LRBA: variants seen among roughly 807,000 people sequenced by gnomAD.
LRBA encodes lipopolysaccharide-responsive and beige-like anchor protein.
Under a neutral mutation model 330.0 loss-of-function variants are expected in LRBA, and 176 were observed. The observed-to-expected ratio is 0.53, with a 90% CI of 0.47 to 0.60. LRBA has a LOEUF of 0.60. Ranked by LOEUF, LRBA falls within the 20% of genes least tolerant of loss-of-function variation. The pLI, the probability that LRBA is intolerant of heterozygous loss-of-function variation, is 0.00. For missense variants in LRBA, 3,259 were observed against 3,444.8 expected (o/e 0.95, Z 1.35); for synonymous variants, 1,230 against 1,193.0 (o/e 1.03, Z -0.64).
At chr4:150,551,075 T>G (rs1000037461) in intron 40 of LRBA, among the ~76,000 whole-genome samples, 1 of 151,688 alleles carries the variant, frequency 6.6e-6, no homozygotes, top group African/African-American at 2.4e-5. Context: ...TGCTAGGGAG[T>G]GTTAATTATC....
intron 37 of LRBA, among the ~76,000 whole-genome samples, chr4:150,653,226 C>T (rs4376124): frequency 0.92 from 140,385 of 152,190 alleles, 64,973 homozygotes; most frequent in Admixed American, 0.96. Flanking sequence ...AGTTACAGTA[C>T]ATATAGAAAA....
chr4:150,682,195 C>A (rs1038010554), intron 37 of LRBA, among the ~76,000 whole-genome samples: 1 of 152,180 alleles, frequency 6.6e-6, no homozygotes, highest in Non-Finnish European at 1.5e-5. Context: ...CTAATTCATT[C>A]AGTATCTGAT....
chr4:150,583,922 A>T lies in LRBA; in HGVS notation c.6330+4126T>A. On this transcript the variant is annotated intron_variant, in intron 40 of 56. Coordinates refer to ENST00000651943, the MANE Select transcript of LRBA (RefSeq NM_001364905.1). This position sits in a 1 kb window ranked among gnomAD's most constrained non-coding sequence, Gnocchi z 9.8. ...GACTGGGACGAGTCGTGCCTGGGCG[A>T]CCGGCTCAACGGCATCCTGCTGCAG... The T allele has an allele frequency of 3.7e-6, 6 of 1,612,690 alleles. No individual in the cohort carries two copies. Among genetic ancestry groups the T allele is most frequent in the Non-Finnish European group, 5.1e-6 (6 of 1,179,286 alleles).
chr4:150,916,257 A>T (rs962197029), intron 7 of LRBA, 144 bp downstream of exon 7: 13 of 742,424 alleles, frequency 1.8e-5, no homozygotes, highest in Non-Finnish European at 2.3e-5. Flanking sequence ...GAGGTCAATT[A>T]TTCAGTGATT....
chr4:150,628,542 G>T (rs1263398102), intron 37 of LRBA, among the ~76,000 whole-genome samples: 1 of 152,114 alleles, frequency 6.6e-6, no homozygotes, highest in East Asian at 1.9e-4. Context: ...TTATGTAAAT[G>T]ATACCATATG....
intron 50 of LRBA, among the ~76,000 whole-genome samples, chr4:150,320,503 G>C (rs1191842378): frequency 2.0e-5 from 3 of 151,818 alleles, no homozygotes; most frequent in African/African-American, 7.3e-5. Flanking sequence ...GCACATAATA[G>C]ACAATCAGAA....
At chr4:150,926,538 T>A (rs1304810500) in intron 4 of LRBA, among the ~76,000 whole-genome samples, 1 of 152,082 alleles carries the variant, frequency 6.6e-6, no homozygotes, top group Non-Finnish European at 1.5e-5. Context: ...AATCCAACAC[T>A]CAGCAACATA....
chr4:150,341,463 T>C (rs1735547437), intron 48 of LRBA, among the ~76,000 whole-genome samples: 1 of 152,122 alleles, frequency 6.6e-6, no homozygotes, highest in Non-Finnish European at 1.5e-5. Context: ...CCACCTTGCC[T>C]GGCCTATCAC....
At chr4:150,401,550 T>C (rs1047081140) in intron 47 of LRBA, among the ~76,000 whole-genome samples, 3 of 152,122 alleles carry the variant, frequency 2.0e-5, no homozygotes, top group African/African-American at 7.2e-5. Flanking sequence ...ACAGGAGAAG[T>C]AACTTCTAAG....
chr4:150,547,412 A>T (rs1230078094), intron 40 of LRBA, among the ~76,000 whole-genome samples: 1 of 152,210 alleles, frequency 6.6e-6, no homozygotes. Flanking sequence ...TTGAAGAGAC[A>T]GCCAAACTTC....
chr4:151,009,511 T>C (rs1367834486), intron 2 of LRBA, among the ~76,000 whole-genome samples: 2 of 147,402 alleles, frequency 1.4e-5, no homozygotes, highest in Non-Finnish European at 3.0e-5. Context: ...ATCGCGCCAC[T>C]GCACTCCAGC....
intron 34 of LRBA, among the ~76,000 whole-genome samples, chr4:150,771,615 G>T (rs1270843321): frequency 1.3e-5 from 2 of 152,122 alleles, no homozygotes; most frequent in African/African-American, 4.8e-5. Context: ...ATGATGGAAG[G>T]GGTCAAATGC....
chr4:150,315,611 G>T lies in LRBA; in HGVS notation c.7643C>A (p.Ala2548Asp). Residue 2548 changes from alanine (A) to aspartate (D), a missense_variant, in exon 51 of 57, where the codon GCT becomes GAT. Transcript: ENST00000651943. ...KWHNLPAHQG[A>D]VQDQPYQLPV... ...CAGCTGGTATGGCTGGTCTTGTACAGCACCTTGATGAGCTGGAATTCACAA... is the reference window on the plus strand; with the variant it reads ...CAGCTGGTATGGCTGGTCTTGTACATCACCTTGATGAGCTGGAATTCACAA... The T allele has an allele frequency of 6.3e-7, 1 of 1,583,134 alleles. No homozygotes were observed. The highest frequency in any genetic ancestry group is 8.5e-7 in the Non-Finnish European group (1 of 1,170,448).
At chr4:151,007,687 G>C (rs1325886278) in intron 2 of LRBA, among the ~76,000 whole-genome samples, 2 of 149,854 alleles carry the variant, frequency 1.3e-5, no homozygotes, top group Non-Finnish European at 3.0e-5. Flanking sequence ...GAAACCACGT[G>C]TCTACTAAAA....
chr4:150,997,857 C>T (rs2149642610), intron 2 of LRBA, among the ~76,000 whole-genome samples: 1 of 152,000 alleles, frequency 6.6e-6, no homozygotes, highest in East Asian at 1.9e-4. Flanking sequence ...GCGCACACCA[C>T]CACGCCCAGT....
intron 44 of LRBA, among the ~76,000 whole-genome samples, chr4:150,457,702 C>T (rs1754258599): frequency 6.6e-6 from 1 of 151,714 alleles, no homozygotes; most frequent in African/African-American, 2.4e-5. Context: ...GTTACTACTA[C>T]TAATTAAACT....
Position 150,639,809 on chromosome 4 carries a change from GTGTGTGTGTGTATATATATATATATA to G in LRBA, c.5922-40704_5922-40679del, listed in dbSNP as rs1561457823. On this transcript the variant is annotated intron_variant, in intron 37 of 56. Coordinates refer to ENST00000651943, the MANE Select transcript of LRBA (RefSeq NM_001364905.1). ...TGTGTGTGTATATATATATATATGT[GTGTGTGTGTGTATATATATATATATA>G]TATATATATATATATATATATATAT... 9.5e-3 allele frequency among the ~76,000 whole-genome samples: 58 copies of G among 6,118 alleles called. 10 individuals carry two copies. Among genetic ancestry groups the G allele is most frequent in the East Asian group, 0.084 (21 of 250 alleles). The allele number at this position is 6,118 out of a possible 152,430, so 4.0% of individuals were successfully genotyped here.
At chr4:151,004,197 C>T (rs1032416001) in intron 2 of LRBA, among the ~76,000 whole-genome samples, 1 of 152,088 alleles carries the variant, frequency 6.6e-6, no homozygotes, top group Admixed American at 6.6e-5. Context: ...CCACCATGCC[C>T]GGCTAATTTT....
At chr4:150,904,871 G>A (rs1283355525) in intron 13 of LRBA, among the ~76,000 whole-genome samples, 2 of 152,056 alleles carry the variant, frequency 1.3e-5, no homozygotes, top group African/African-American at 2.4e-5. Context: ...AAAAAAGTCT[G>A]CAGACTTTTT....
Sources: allele counts gnomAD v4.1 joint callset (sites outside exome capture counted in the v4.1 genomes callset), GRCh38; gene constraint gnomAD v4.1.1; non-coding constraint Gnocchi (gnomAD v3.1); transcripts MANE v1.5; gene names NCBI Gene and HGNC (gene_info 2026-07-23, HGNC 2026-07-21).